CACNA1E: variants seen among roughly 807,000 people sequenced by gnomAD.
CACNA1E encodes voltage-dependent R-type calcium channel subunit alpha-1E.
A neutral mutation model predicts 259.2 loss-of-function variants in CACNA1E; 40 were observed. The ratio of observed to expected loss-of-function variants is 0.15; its 90% CI spans 0.12 to 0.20. CACNA1E has a LOEUF of 0.20. CACNA1E is among the 10% of genes least tolerant of loss of function. The pLI is 1.00. For missense variants in CACNA1E, 1,874 were observed against 3,040.1 expected (o/e 0.62, Z 9.02); for synonymous variants, 1,104 against 1,138.5 (o/e 0.97, Z 0.61).
intron 1 of CACNA1E, among the ~76,000 whole-genome samples, chr1:181,335,107 G>A (rs1297594246): frequency 6.6e-6 from 1 of 152,150 alleles, no homozygotes; most frequent in Admixed American, 6.5e-5. Context: ...TCAGGTCTTT[G>A]CTCAAATGTC....
At chr1:181,365,798 C>T (rs905049894) in intron 1 of CACNA1E, among the ~76,000 whole-genome samples, 10 of 152,174 alleles carry the variant, frequency 6.6e-5, no homozygotes, top group Non-Finnish European at 1.5e-4. Flanking sequence ...GAAATGGCAC[C>T]TAGGCACAGT....
chr1:181,701,547 A>G (rs1652260069), intron 7 of CACNA1E, among the ~76,000 whole-genome samples: 1 of 152,226 alleles, frequency 6.6e-6, no homozygotes, highest in Non-Finnish European at 1.5e-5. Flanking sequence ...TCATGCCTTG[A>G]TAGTATCTGT....
At chr1:181,755,423 T>C in intron 28 of CACNA1E, 26 bp downstream of exon 28, 1 of 1,602,674 alleles carries the variant, frequency 6.2e-7, no homozygotes, top group African/African-American at 1.3e-5. Context: ...GCATTCCACT[T>C]GATTTTGCTG....
intron 6 of CACNA1E, among the ~76,000 whole-genome samples, chr1:181,641,717 T>G (rs12037745): frequency 0.032 from 589 of 18,236 alleles, 6 homozygotes; most frequent in East Asian, 0.15. Context: ...TTTTTTTTTT[T>G]TTTTTTTTTT....
At chr1:181,638,271 G>A (rs1364160977) in intron 6 of CACNA1E, among the ~76,000 whole-genome samples, 1 of 152,190 alleles carries the variant, frequency 6.6e-6, no homozygotes, top group Non-Finnish European at 1.5e-5. Flanking sequence ...GAATTGCCAA[G>A]TTAGGGTATA....
At chr1:181,364,482 G>A (rs1226912771) in intron 1 of CACNA1E, among the ~76,000 whole-genome samples, 1 of 152,172 alleles carries the variant, frequency 6.6e-6, no homozygotes, top group Non-Finnish European at 1.5e-5. Context: ...GATCAGAGGT[G>A]GGATGGAGGC....
intron 3 of CACNA1E, among the ~76,000 whole-genome samples, chr1:181,567,262 A>G (rs1362813182): frequency 6.6e-6 from 1 of 152,178 alleles, no homozygotes; most frequent in Non-Finnish European, 1.5e-5. Flanking sequence ...ATTCCCTCCT[A>G]GAAATGGCAC....
At chr1:181,783,536 G>C (rs1660599627) in intron 39 of CACNA1E, 143 bp from the exon 40 acceptor site, 8 of 558,558 alleles carry the variant, frequency 1.4e-5, no homozygotes, top group Non-Finnish European at 2.6e-5. Context: ...AGCAGGGAGA[G>C]AAGGACTGGG....
Position 181,758,282 on chromosome 1 carries a change from G to T in CACNA1E, c.4494+171G>T, listed in dbSNP as rs1488977633. 6.6e-6 allele frequency among the ~76,000 whole-genome samples: 1 copy of T among 152,094 alleles called. No homozygotes were observed. Among genetic ancestry groups the T allele is most frequent in the African/African-American group, 2.4e-5 (1 of 41,414 alleles). On this transcript the variant is annotated intron_variant, in intron 31 of 47. Transcript: ENST00000367573. This position sits in a 1 kb window ranked among gnomAD's most constrained non-coding sequence, Gnocchi z 4.2. ...ATAACCCAACCTCTGGGGCTTTGGGGGTCCACTGAGCAAAATGCAGTGCAG... is the reference window on the plus strand; with the variant it reads ...ATAACCCAACCTCTGGGGCTTTGGGTGTCCACTGAGCAAAATGCAGTGCAG...
intron 6 of CACNA1E, among the ~76,000 whole-genome samples, chr1:181,612,264 G>T (rs1302405976): frequency 6.6e-6 from 1 of 152,186 alleles, no homozygotes; most frequent in Non-Finnish European, 1.5e-5. Context: ...CCATGCTACT[G>T]CAGCCTAATG....
intron 6 of CACNA1E, among the ~76,000 whole-genome samples, chr1:181,639,380 G>A (rs1443871429): frequency 3.3e-5 from 5 of 152,196 alleles, no homozygotes; most frequent in African/African-American, 9.6e-5. Context: ...GAGCCACCAC[G>A]CCCAGCCGAG....
intron 25 of CACNA1E, among the ~76,000 whole-genome samples, chr1:181,745,004 G>A (rs1407516149): frequency 2.0e-5 from 3 of 152,150 alleles, no homozygotes; most frequent in Non-Finnish European, 4.4e-5. Context: ...TCTGATTTTT[G>A]TGCCCAGACA....
At chr1:181,345,907 C>A (rs919591775) in intron 1 of CACNA1E, among the ~76,000 whole-genome samples, 1 of 152,170 alleles carries the variant, frequency 6.6e-6, no homozygotes, top group East Asian at 1.9e-4. Flanking sequence ...GGGCTGCAGG[C>A]ACCGAGGGTG....
At chr1:181,514,545 C>T (rs1238945829) in intron 3 of CACNA1E, among the ~76,000 whole-genome samples, 4 of 152,206 alleles carry the variant, frequency 2.6e-5, no homozygotes, top group African/African-American at 7.2e-5. Flanking sequence ...CCTTTGTCTT[C>T]CTGACACCTG....
chr1:181,733,206 C>T (rs1049810025), intron 20 of CACNA1E, among the ~76,000 whole-genome samples, 172 bp downstream of exon 20: 1 of 152,192 alleles, frequency 6.6e-6, no homozygotes, highest in Non-Finnish European at 1.5e-5. Context: ...TCTGTCCCCC[C>T]AAAAACGAGG....
intron 6 of CACNA1E, among the ~76,000 whole-genome samples, chr1:181,636,071 T>G (rs1657183007): frequency 6.6e-6 from 1 of 152,228 alleles, no homozygotes; most frequent in South Asian, 2.1e-4. Flanking sequence ...TAAATAATAA[T>G]GACCTATTCA....
At chr1:181,769,625 T>C (rs1340014064) in intron 35 of CACNA1E, among the ~76,000 whole-genome samples, 1 of 152,128 alleles carries the variant, frequency 6.6e-6, no homozygotes, top group East Asian at 1.9e-4. Flanking sequence ...TTTGGTTTCT[T>C]GGACTATTAC....
chr1:181,362,939 T>C (rs1653996596), intron 1 of CACNA1E, among the ~76,000 whole-genome samples: 1 of 152,234 alleles, frequency 6.6e-6, no homozygotes, highest in Non-Finnish European at 1.5e-5. Flanking sequence ...ATAAGTTTAC[T>C]GAAGACAAGA....
intron 6 of CACNA1E, among the ~76,000 whole-genome samples, chr1:181,587,068 T>G (rs1395238555): frequency 6.6e-6 from 1 of 152,130 alleles, no homozygotes; most frequent in African/African-American, 2.4e-5. Context: ...TAATCATCCA[T>G]TCATAGTACT....
Sources: gnomAD v4.1 joint callset for allele counts (sites outside exome capture counted in the v4.1 genomes callset) on GRCh38, gnomAD v4.1.1 for gene constraint, Gnocchi (gnomAD v3.1) non-coding constraint, MANE v1.5 for transcripts, NCBI Gene and HGNC (gene_info 2026-07-23, HGNC 2026-07-21) for gene names.